Variants in PTPRO observed in about 807,000 individuals in gnomAD.
PTPRO encodes receptor-type tyrosine-protein phosphatase O.
In PTPRO, 62 loss-of-function variants were observed where a neutral mutation model predicts 145.2. The observed-to-expected ratio is 0.43, with a 90% CI of 0.35 to 0.53. The LOEUF (loss-of-function observed/expected upper bound fraction) is 0.53, where lower values mean the gene tolerates loss of function less well. Ranked by LOEUF, PTPRO falls within the 20% of genes least tolerant of loss-of-function variation. The probability of loss-of-function intolerance (pLI) is 0.01; values close to 1 mark genes in which losing one functional copy is unlikely to be tolerated. For synonymous variants in PTPRO, 565 were observed against 514.7 expected (o/e 1.10, Z -1.32); for missense variants, 1,345 against 1,482.7 (o/e 0.91, Z 1.53).
At position 15,468,863 on chromosome 12, in the gene PTPRO, G is replaced by C. The variant is rs1941475771; in HGVS notation, c.76-15111G>C. ...GGCTTTAATTTATTCTGCCTATATA[G>C]GGATCAGTCTTTCAGAAGACCCAGA... On this transcript the variant is annotated intron_variant, in intron 1 of 26. Transcript: ENST00000281171. 2.0e-5 allele frequency among the ~76,000 whole-genome samples: 3 copies of C among 152,228 alleles called. No individual in the cohort carries two copies. In the South Asian group the frequency reaches 6.2e-4, roughly 32 times the overall value.
At chr12:15,339,043 G>A (rs1866874203) in intron 1 of PTPRO, among the ~76,000 whole-genome samples, 1 of 152,136 alleles carries the variant, frequency 6.6e-6, no homozygotes. Flanking sequence ...AAGCTTTGAA[G>A]TATTAACGTA....
intron 7 of PTPRO, 112 bp from the exon 8 acceptor site, chr12:15,515,386 A>G (rs1942555180): frequency 3.5e-6 from 5 of 1,417,220 alleles, no homozygotes; most frequent in Middle Eastern, 2.3e-4. Flanking sequence ...AGCCTTCTGG[A>G]TTTCAAAGTC....
intron 1 of PTPRO, among the ~76,000 whole-genome samples, chr12:15,399,765 C>T (rs1026544684): frequency 5.3e-5 from 8 of 151,754 alleles, no homozygotes; most frequent in Non-Finnish European, 8.8e-5. Flanking sequence ...ATCAAAAGAC[C>T]TTTGGCCCGG....
chr12:15,373,770 A>C (rs1385232340), intron 1 of PTPRO, among the ~76,000 whole-genome samples: 1 of 152,332 alleles, frequency 6.6e-6, no homozygotes, highest in East Asian at 1.9e-4. Context: ...ATTTTCTCAG[A>C]TACAAAGATG....
Position 15,522,010 on chromosome 12 carries a change from A to G in PTPRO, c.1891+1698A>G, listed in dbSNP as rs115344765. ...TTCTATCTTTTCCTGGGTCAAATAA[A>G]TAAGTGATGCTGAACCAGCAGTCTA... On this transcript the variant is annotated intron_variant, in intron 10 of 26. Transcript: ENST00000281171. Among the ~76,000 whole-genome samples the G allele has an allele frequency of 7.1e-3, 1,085 of 152,314 alleles. 16 individuals are homozygous for G. The highest frequency in any genetic ancestry group is 0.025 in the African/African-American group (1,031 of 41,568).
In PTPRO at chr12:15,557,392, T is replaced by A. The variant is rs1943661656; in HGVS notation, c.2559-63T>A. The A allele has an allele frequency of 5.0e-6, 7 of 1,397,786 alleles. No individual in the cohort carries two copies. In the South Asian group the frequency reaches 6.9e-5, roughly 14 times the overall value. 86.6% of individuals were successfully genotyped at this position (1,397,786 alleles called of 1,614,324 possible). Reference sequence around the variant, plus strand: ...AAGCTGGTAAAGACTCTCTTTACTTTTAGGTCAACGTAAGAATGCTTTGTC... The same window carrying A: ...AAGCTGGTAAAGACTCTCTTTACTTATAGGTCAACGTAAGAATGCTTTGTC... On this transcript the variant is annotated intron_variant, in intron 15 of 26. Coordinates refer to ENST00000281171, the MANE Select transcript of PTPRO (RefSeq NM_030667.3).
chr12:15,330,830 T>G (rs1591706835), intron 1 of PTPRO, among the ~76,000 whole-genome samples: 1 of 152,318 alleles, frequency 6.6e-6, no homozygotes, highest in East Asian at 1.9e-4. Flanking sequence ...GCTCCAAACC[T>G]TGATCGCTTT....
chr12:15,540,369 CTG>C (rs1943157079), intron 12 of PTPRO, among the ~76,000 whole-genome samples: 1 of 152,226 alleles, frequency 6.6e-6, no homozygotes, highest in Admixed American at 6.5e-5. Context: ...TTCTAAAAAA[CTG>C]TTATCAGTGA....
At chr12:15,324,173 G>C (rs1866379764) in intron 1 of PTPRO, among the ~76,000 whole-genome samples, 1 of 152,118 alleles carries the variant, frequency 6.6e-6, no homozygotes, top group Non-Finnish European at 1.5e-5. Context: ...TTATCAAACT[G>C]TCACAACTAT....
In PTPRO at chr12:15,473,721, G is replaced by A. The variant is rs28597792; in HGVS notation, c.76-10253G>A. The stretch of plus-strand genomic sequence containing the variant: ...GACAGAGGTTGCAGTGAGCCAACAC[G>A]GTGCCACTGTGCTCCAGCCTGGGCA... On this transcript the variant is annotated intron_variant, in intron 1 of 26. Coordinates refer to ENST00000281171, the MANE Select transcript of PTPRO (RefSeq NM_030667.3). Among the ~76,000 whole-genome samples the A allele has an allele frequency of 5.1e-3, 754 of 146,682 alleles. 54 individuals are homozygous for A. In the East Asian group the frequency reaches 0.14, roughly 27 times the overall value.
intron 1 of PTPRO, among the ~76,000 whole-genome samples, chr12:15,369,137 G>A (rs1044240021): frequency 2.0e-5 from 3 of 151,938 alleles, no homozygotes; most frequent in African/African-American, 7.3e-5. Context: ...ACCTTCAGTC[G>A]ATACAGTTTT....
chr12:15,404,673 G>A (rs1939598314), intron 1 of PTPRO, among the ~76,000 whole-genome samples: 1 of 151,938 alleles, frequency 6.6e-6, no homozygotes, highest in Non-Finnish European at 1.5e-5. Flanking sequence ...CTGAGACTAA[G>A]AGAAAAAAAA....
chr12:15,359,203 A>T (rs11056448), intron 1 of PTPRO, among the ~76,000 whole-genome samples: 31,476 of 152,138 alleles, frequency 0.21, 3,939 homozygotes, highest in Non-Finnish European at 0.29. Flanking sequence ...TGCAAATTGT[A>T]TTTTAAACTA....
At position 15,596,401 on chromosome 12, in the gene PTPRO, T is replaced by G. The variant is rs1944660825; in HGVS notation, c.*328T>G. 6.6e-6 allele frequency: 1 copy of G among 152,610 alleles called. No individual in the cohort carries two copies. Among genetic ancestry groups the G allele is most frequent in the South Asian group, 2.1e-4 (1 of 4,826 alleles). 9.5% of individuals were successfully genotyped at this position (152,610 alleles called of 1,614,324 possible). A position where few individuals can be genotyped will look rare whatever the true frequency, so the allele number is the denominator to read the frequency against. Reference sequence around the variant, plus strand: ...TTTGCTGGTTGGGCTGAGTTTTTTATTTTTAAGTGTTTGTTTTTCAGTGCA... The same window carrying G: ...TTTGCTGGTTGGGCTGAGTTTTTTAGTTTTAAGTGTTTGTTTTTCAGTGCA... On this transcript the variant is annotated 3_prime_UTR_variant, in exon 27 of 27. Transcript: ENST00000281171.
At chr12:15,526,567 C>T (rs532899054) in intron 12 of PTPRO, among the ~76,000 whole-genome samples, 57 of 152,064 alleles carry the variant, frequency 3.7e-4, no homozygotes, top group African/African-American at 1.3e-3. Flanking sequence ...TGTTCACAAC[C>T]CTATAAGACA....
chr12:15,515,762 T>C, intron 8 of PTPRO, 144 bp downstream of exon 8: 1 of 1,121,848 alleles, frequency 8.9e-7, no homozygotes. Flanking sequence ...GAGTAATAAA[T>C]AACAAGAATT....
chr12:15,415,499 C>T (rs980143813), intron 1 of PTPRO, among the ~76,000 whole-genome samples: 1 of 151,946 alleles, frequency 6.6e-6, no homozygotes, highest in Non-Finnish European at 1.5e-5. Context: ...ATTCTCCTGC[C>T]TCAGCCTCCC....
At chr12:15,593,239 A>G (rs764828319) in intron 25 of PTPRO, among the ~76,000 whole-genome samples, 14 of 152,248 alleles carry the variant, frequency 9.2e-5, no homozygotes, top group Non-Finnish European at 1.5e-4. Context: ...TGAGGCATCA[A>G]TCCAGTGATG....
intron 12 of PTPRO, among the ~76,000 whole-genome samples, chr12:15,543,431 A>G (rs1943218077): frequency 6.6e-6 from 1 of 152,226 alleles, no homozygotes; most frequent in African/African-American, 2.4e-5. Context: ...GCAGTAATTC[A>G]TGATAGTTCT....
Sources: gnomAD v4.1 joint callset for allele counts (sites outside exome capture counted in the v4.1 genomes callset) on GRCh38, gnomAD v4.1.1 for gene constraint, MANE v1.5 for transcripts, NCBI Gene and HGNC (gene_info 2026-07-23, HGNC 2026-07-21) for gene names.